The following GOLGA3 variants were observed in gnomAD, a reference collection of about 807,000 sequenced individuals.
The protein encoded by GOLGA3 is golgin subfamily A member 3.
In GOLGA3, 75 loss-of-function variants were observed where a neutral mutation model predicts 169.4. The ratio of observed to expected loss-of-function variants is 0.44; its 90% CI spans 0.37 to 0.54. The LOEUF (loss-of-function observed/expected upper bound fraction) is 0.54, where lower values mean the gene tolerates loss of function less well. GOLGA3 is among the 20% of genes least tolerant of loss of function. The pLI is 0.00. For missense variants in GOLGA3, 1,899 were observed against 1,930.0 expected (o/e 0.98, Z 0.30); for synonymous variants, 824 against 822.4 (o/e 1.00, Z -0.03).
chr12:132,782,178 C>T, intron 17 of GOLGA3, 118 bp downstream of exon 17: 1 of 957,554 alleles, frequency 1.0e-6, no homozygotes, highest in Non-Finnish European at 1.7e-6. Flanking sequence ...CTCTCGGCTG[C>T]AGGCCGGGTG....
chr12:132,808,095 G>T lies in GOLGA3; in HGVS notation c.974C>A (p.Thr325Asn). The change falls in exon 5 of 24, where the codon ACC becomes AAC. Residue 325 changes from threonine (T) to asparagine (N), a missense_variant. Thr to Asn is a moderately conservative substitution (Grantham distance 65). Coordinates refer to ENST00000450791, the MANE Select transcript of GOLGA3 (RefSeq NM_001389683.1). ...SDSSSYSSAS[T>N]RGTYGILSKT... ...CGACAGAATGCCATAGGTCCCTCGG[G>T]TGGAGGCGCTGCTGTACGATGAGCT... is the stretch of plus-strand genomic sequence containing the variant. 1.9e-6 allele frequency: 3 copies of T among 1,598,096 alleles called. No individual in the cohort carries two copies. The highest frequency in any genetic ancestry group is 2.6e-6 in the Non-Finnish European group (3 of 1,170,658).
chr12:132,798,555 C>A, intron 8 of GOLGA3, 78 bp from the exon 9 acceptor site: 2 of 1,390,546 alleles, frequency 1.4e-6, no homozygotes, highest in South Asian at 2.7e-5. Context: ...CCTGGAGGCC[C>A]CAGGGTGAGG....
intron 15 of GOLGA3, 39 bp from the exon 16 acceptor site, chr12:132,784,346 A>G: frequency 6.4e-7 from 1 of 1,554,634 alleles, no homozygotes; most frequent in Non-Finnish European, 8.7e-7. Context: ...GTCATGGGAC[A>G]GGCCCTGACC....
intron 23 of GOLGA3, 135 bp from the exon 24 acceptor site, chr12:132,773,429 A>ACTTTTG: frequency 3.8e-6 from 2 of 527,108 alleles, no homozygotes; most frequent in South Asian, 2.6e-5. Flanking sequence ...AACTGAGACC[A>ACTTTTG]CAGAAGCTCA....
rs1047627419 is a variant in GOLGA3 at position 132,782,563 on chromosome 12, G to T, written c.3268-70C>A. ...TGGAGTTCACATACCCCAGAAACAG[G>T]TGAGTTTTCAACAAGAAACAGCGAA... On this transcript the variant is annotated intron_variant, in intron 16 of 23. Coordinates refer to ENST00000450791, the MANE Select transcript of GOLGA3 (RefSeq NM_001389683.1). The T allele has an allele frequency of 8.7e-6, 11 of 1,265,904 alleles. No homozygotes were observed. In the Admixed American group the frequency reaches 1.2e-4, roughly 14 times the overall value. 78.4% of individuals were successfully genotyped at this position (1,265,904 alleles called of 1,614,324 possible). A position where few individuals can be genotyped will look rare whatever the true frequency, so the allele number is the denominator to read the frequency against.
intron 15 of GOLGA3, among the ~76,000 whole-genome samples, chr12:132,784,801 T>TCACACTGCATGCACACATACACCC (rs1427303125): frequency 1.3e-5 from 2 of 148,232 alleles, no homozygotes; most frequent in Admixed American, 1.3e-4. Flanking sequence ...TGCTCACACC[T>TCACACTGCATGCACACATACACCC]CACACTGCAT....
rs184685325 is a variant in GOLGA3, at chr12:132,804,216, G to A, written c.1597+500C>T. On this transcript the variant is annotated intron_variant, in intron 7 of 23. Transcript: ENST00000450791. This position sits in a 1 kb window ranked among gnomAD's most constrained non-coding sequence, Gnocchi z 4.1. Reference sequence around the variant, plus strand: ...GACGGACAGTCAAGGAGCTGTTCTTGAATATTTTAAATGGAATCTGCAATT... The same window carrying A: ...GACGGACAGTCAAGGAGCTGTTCTTAAATATTTTAAATGGAATCTGCAATT... 6.6e-6 allele frequency among the ~76,000 whole-genome samples: 1 copy of A among 152,180 alleles called. No individual in the cohort carries two copies. The highest frequency in any genetic ancestry group is 2.1e-4 in the South Asian group (1 of 4,838).
rs528356148 is a variant in GOLGA3, at chr12:132,776,983, C to A, written c.3830G>T (p.Ser1277Ile). Residue 1277 changes from serine to isoleucine, a missense_variant, in exon 20 of 24, where the codon AGC becomes ATC. Ser to Ile is a moderately radical substitution (Grantham distance 142). Transcript: ENST00000450791. ...LLQKQLDEQL[S>I]KQPVGNQEME... ...CTCTTGGTTTCCCACGGGCTGTTTG[C>A]TGAGCTGCTCGTCCAGCTGCTTCTG... The A allele has an allele frequency of 6.2e-7, 1 of 1,604,922 alleles. No homozygotes were observed. Among genetic ancestry groups the A allele is most frequent in the Non-Finnish European group, 8.5e-7 (1 of 1,175,758 alleles).
intron 8 of GOLGA3, 64 bp from the exon 9 acceptor site, chr12:132,798,541 T>C: frequency 1.3e-6 from 2 of 1,504,612 alleles, no homozygotes; most frequent in Non-Finnish European, 9.0e-7. Flanking sequence ...CAGACCAGCC[T>C]GTCCCTGGAG....
chr12:132,779,174 G>A (rs1309076005), intron 18 of GOLGA3, among the ~76,000 whole-genome samples: 2 of 152,102 alleles, frequency 1.3e-5, no homozygotes, highest in Non-Finnish European at 2.9e-5. Flanking sequence ...TCCGCCTCCT[G>A]GTTCAAGCGA....
At chr12:132,825,650 A>G (rs190952037) in intron 1 of GOLGA3, 13 of 778,580 alleles carry the variant, frequency 1.7e-5, no homozygotes, top group African/African-American at 1.5e-4. Flanking sequence ...CCAATGAGGG[A>G]GTCCAGGGAG....
Position 132,791,840 on chromosome 12 carries a change from C to T in GOLGA3, c.2470-547G>A, listed in dbSNP as rs2046252621. ...ACACTGAGAGCTCCAGGAAAGGACA[C>T]ATCTGCAGAGTTGTTACACTGAGGG... On this transcript the variant is annotated intron_variant, in intron 11 of 23. Transcript: ENST00000450791. Among the ~76,000 whole-genome samples, 2 of 138,924 alleles carry T rather than the reference C, an allele frequency of 1.4e-5. 1 individual carries two copies. The highest frequency in any genetic ancestry group is 3.2e-5 in the Non-Finnish European group (2 of 62,580). 91.1% of individuals were successfully genotyped at this position (138,924 alleles called of 152,430 possible). A position where few individuals can be genotyped will look rare whatever the true frequency, so the allele number is the denominator to read the frequency against.
chr12:132,790,372 G>A (rs1392855528), intron 12 of GOLGA3, among the ~76,000 whole-genome samples: 2 of 152,088 alleles, frequency 1.3e-5, no homozygotes, highest in African/African-American at 4.8e-5. Flanking sequence ...CGCTCACAAC[G>A]CTGCTTCAGG....
chr12:132,788,967 C>T (rs1239414261), intron 13 of GOLGA3, 60 bp downstream of exon 13: 7 of 1,155,200 alleles, frequency 6.1e-6, no homozygotes, highest in Non-Finnish European at 8.3e-6. Flanking sequence ...GCCCCACCCT[C>T]CCGACAAGCA....
At position 132,795,989 on chromosome 12, in the gene GOLGA3, A is replaced by G; in HGVS notation, c.2332T>C (p.Leu778=). The change falls in exon 11 of 24, where the codon TTG becomes CTG. Residue 778 remains leucine, a synonymous_variant. Transcript: ENST00000450791. Reference sequence around the variant, plus strand: ...TTGGCCGCCTGCAAAGCCGCCTCCAAGATGATCTTCTCGTTCTGCAGGAGG... The same window carrying G: ...TTGGCCGCCTGCAAAGCCGCCTCCAGGATGATCTTCTCGTTCTGCAGGAGG... ...ICLLQNEKII[L]EAALQAAKSG... 5 of 1,613,672 alleles carry G rather than the reference A, an allele frequency of 3.1e-6. No individual in the cohort carries two copies. The highest frequency in any genetic ancestry group is 4.2e-6 in the Non-Finnish European group (5 of 1,180,024).
At chr12:132,776,853 C>G in intron 20 of GOLGA3, 97 bp from the exon 21 acceptor site, 1 of 1,550,228 alleles carries the variant, frequency 6.5e-7, no homozygotes, top group Non-Finnish European at 8.7e-7. Flanking sequence ...CTTTTAATAC[C>G]ATATTCAGAA....
intron 5 of GOLGA3, among the ~76,000 whole-genome samples, 195 bp downstream of exon 5, chr12:132,807,696 G>C (rs1350434277): frequency 6.6e-6 from 1 of 152,142 alleles, no homozygotes; most frequent in Non-Finnish European, 1.5e-5. Flanking sequence ...GTTCCAGTGC[G>C]GAGAGCCGTG....
chr12:132,782,277 G>A lies in GOLGA3; in HGVS notation c.3465+19C>T, dbSNP rs759651237. Reference sequence around the variant, plus strand: ...AACTCTCACACCGTTGCTGGCGTGAGTTTGACGAGTTTGAATACCTGAAGG... The same window carrying A: ...AACTCTCACACCGTTGCTGGCGTGAATTTGACGAGTTTGAATACCTGAAGG... On this transcript the variant is annotated intron_variant, in intron 17 of 23. Transcript: ENST00000450791. 6.2e-7 allele frequency: 1 copy of A among 1,602,462 alleles called. No homozygotes were observed. The highest frequency in any genetic ancestry group is 1.1e-5 in the South Asian group (1 of 90,824).
Position 132,774,194 on chromosome 12 carries a change from G to T in GOLGA3, c.4270C>A (p.Pro1424Thr). The T allele has an allele frequency of 6.2e-7, 1 of 1,611,662 alleles. No homozygotes were observed. The change falls in exon 23 of 24, where the codon CCC (proline) becomes ACC (threonine). Residue 1424 changes from proline to threonine, a missense_variant. Transcript: ENST00000450791. Reference sequence around the variant, plus strand: ...AGGCAGCTGTTCAGGTTCTTGAGGGGCTCCTTGCTCACGGCGGGCGGTGGT... The same window carrying T: ...AGGCAGCTGTTCAGGTTCTTGAGGGTCTCCTTGCTCACGGCGGGCGGTGGT... ...LRPPPAVSKE[P>T]LKNLNSCLQQ...
Sources: gnomAD v4.1 joint callset for allele counts (sites outside exome capture counted in the v4.1 genomes callset) on GRCh38, gnomAD v4.1.1 for gene constraint, Gnocchi (gnomAD v3.1) non-coding constraint, MANE v1.5 for transcripts, NCBI Gene and HGNC (gene_info 2026-07-23, HGNC 2026-07-21) for gene names.